RASD2: variants seen among roughly 807,000 people sequenced by gnomAD.
RASD2 encodes the protein RASD family member 2, also known as GTP-binding protein Rhes.
Under a neutral mutation model 15.8 loss-of-function variants are expected in RASD2, and 7 were observed. The observed-to-expected ratio is 0.44, with a 90% CI of 0.25 to 0.83. The LOEUF is 0.83. Among genes scored for constraint, RASD2 ranks in the 40% least tolerant of loss-of-function variants. The probability of loss-of-function intolerance (pLI) is 0.20; values close to 1 mark genes in which losing one functional copy is unlikely to be tolerated. For synonymous variants in RASD2, 155 were observed against 153.6 expected (o/e 1.01, Z -0.07); for missense variants, 274 against 382.8 (o/e 0.72, Z 2.37).
chr22:35,553,403 C>T lies in RASD2; in HGVS notation c.*1371C>T, dbSNP rs1934731107. 1 of 152,556 alleles carries T rather than the reference C, an allele frequency of 6.6e-6. No individual in the cohort carries two copies. Among genetic ancestry groups the T allele is most frequent in the Non-Finnish European group, 1.5e-5 (1 of 68,036 alleles). The allele number at this position is 152,556 out of a possible 1,614,324, so 9.5% of individuals were successfully genotyped here. On this transcript the variant is annotated 3_prime_UTR_variant, in exon 3 of 3. Coordinates refer to ENST00000216127, the MANE Select transcript of RASD2 (RefSeq NM_014310.4). ...GAACCCATAAACCAAAGGCCCTTGT[C>T]ATCAGCTCTTAACAAGTATATTTTG...
chr22:35,549,259 T>A (rs1292858366), intron 2 of RASD2, among the ~76,000 whole-genome samples: 1 of 152,144 alleles, frequency 6.6e-6, no homozygotes, highest in Non-Finnish European at 1.5e-5. Flanking sequence ...ATGGAGAGTA[T>A]TTTTGTCTGT....
At chr22:35,542,057 C>G (rs538798261) in intron 1 of RASD2, among the ~76,000 whole-genome samples, 1 of 152,290 alleles carries the variant, frequency 6.6e-6, no homozygotes, top group Non-Finnish European at 1.5e-5. Context: ...TTGGAGGGCC[C>G]GGAAGGCAGC....
At chr22:35,550,050 C>T (rs144124595) in intron 2 of RASD2, among the ~76,000 whole-genome samples, 1,925 of 152,180 alleles carry the variant, frequency 0.013, 44 homozygotes, top group African/African-American at 0.044. Flanking sequence ...CTCTTGAGGT[C>T]AGGAGTTCAA....
At chr22:35,537,118 C>T (rs1934256633), upstream of RASD2, among the ~76,000 whole-genome samples, 2 of 152,146 alleles carry the variant, frequency 1.3e-5, no homozygotes, top group African/African-American at 4.8e-5. Flanking sequence ...TCTTGGACCC[C>T]AGCTCAGCCT....
At chr22:35,536,675 T>C (rs1934252157), upstream of RASD2, among the ~76,000 whole-genome samples, 1 of 152,206 alleles carries the variant, frequency 6.6e-6, no homozygotes, top group Non-Finnish European at 1.5e-5. Flanking sequence ...ACCTCTATGG[T>C]ATCGCCAACT....
At chr22:35,546,433 C>T (rs370605527) in intron 1 of RASD2, among the ~76,000 whole-genome samples, 1 of 152,104 alleles carries the variant, frequency 6.6e-6, no homozygotes, top group African/African-American at 2.4e-5. Context: ...TGTGCTGAGC[C>T]CTTTGCAACA....
chr22:35,541,976 T>C (rs1267469023), intron 1 of RASD2, among the ~76,000 whole-genome samples: 3 of 152,212 alleles, frequency 2.0e-5, no homozygotes, highest in African/African-American at 7.2e-5. Flanking sequence ...TTGAGCTTTT[T>C]CTGGGTTGGT....
At chr22:35,546,196 G>A (rs1934498270) in intron 1 of RASD2, among the ~76,000 whole-genome samples, 1 of 152,158 alleles carries the variant, frequency 6.6e-6, no homozygotes, top group African/African-American at 2.4e-5. Context: ...GTGGCTGCAG[G>A]AGCAACCCCA....
intron 2 of RASD2, among the ~76,000 whole-genome samples, chr22:35,550,551 C>T (rs1004685703): frequency 3.3e-5 from 5 of 152,080 alleles, no homozygotes; most frequent in Non-Finnish European, 7.4e-5. Flanking sequence ...ACCACCCCAC[C>T]GTCTCCACAG....
In RASD2 at chr22:35,551,267, G is replaced by C. The variant is rs753025198; in HGVS notation, c.272-236G>C. Reference sequence around the variant, plus strand: ...CAAGTGGTCCACGTGTTAGCTATGCGACTGTGAACAGGGGCTTCAACCCCC... The same window carrying C: ...CAAGTGGTCCACGTGTTAGCTATGCCACTGTGAACAGGGGCTTCAACCCCC... On this transcript the variant is annotated intron_variant, in intron 2 of 2. Transcript: ENST00000216127. This position sits in a 1 kb window ranked among gnomAD's most constrained non-coding sequence, Gnocchi z 4.9. Among the ~76,000 whole-genome samples, 1 of 152,204 alleles carries C rather than the reference G, an allele frequency of 6.6e-6. No homozygotes were observed. The highest frequency in any genetic ancestry group is 6.5e-5 in the Admixed American group (1 of 15,282).
In RASD2 at chr22:35,551,614, A is replaced by G. The variant is rs1482643184; in HGVS notation, c.383A>G (p.Lys128Arg). The G allele has an allele frequency of 6.2e-7, 1 of 1,614,066 alleles. No individual in the cohort carries two copies. Among genetic ancestry groups the G allele is most frequent in the Non-Finnish European group, 8.5e-7 (1 of 1,180,030 alleles). The change falls in exon 3 of 3, where the codon AAG becomes AGG. Residue 128 changes from lysine to arginine, a missense_variant. Physicochemically the swap from Lys to Arg is conservative, Grantham distance 26. Transcript: ENST00000216127. This position sits in a 1 kb window ranked among gnomAD's most constrained non-coding sequence, Gnocchi z 4.9. ...AAGTCCTGCCTGAAGAACAAGACCA[A>G]GGAGGCGGCGGAGCTGCCCATGGTC... ...EVKSCLKNKT[K>R]EAAELPMVIC... is the part of the protein sequence containing the mutation.
the RASD2 span, among the ~76,000 whole-genome samples, chr22:35,534,987 A>C: frequency 6.6e-6 from 1 of 152,256 alleles, no homozygotes; most frequent in South Asian, 2.1e-4. Context: ...CATTCATCCA[A>C]CTTTTACTGC....
chr22:35,540,486 T>C (rs958241587), upstream of RASD2, among the ~76,000 whole-genome samples: 1 of 149,734 alleles, frequency 6.7e-6, no homozygotes, highest in Non-Finnish European at 1.5e-5. Flanking sequence ...GAGCGGGCTC[T>C]GGGGGGCAGA....
In RASD2 at chr22:35,552,362, C is replaced by T. The variant is rs1601819476; in HGVS notation, c.*330C>T. 1 of 344,606 alleles carries T rather than the reference C, an allele frequency of 2.9e-6. No individual in the cohort carries two copies. The highest frequency in any genetic ancestry group is 5.3e-5 in the South Asian group (1 of 19,046). The allele number at this position is 344,606 out of a possible 1,614,324, so 21.3% of individuals were successfully genotyped here. On this transcript the variant is annotated 3_prime_UTR_variant, in exon 3 of 3. Coordinates refer to ENST00000216127, the MANE Select transcript of RASD2 (RefSeq NM_014310.4). ...GATGCCAGAGGGGTGAGGATTGCTGCGTCATATGGAGCCTCCTGGGACAAG... is the reference window on the plus strand; with the variant it reads ...GATGCCAGAGGGGTGAGGATTGCTGTGTCATATGGAGCCTCCTGGGACAAG...
At chr22:35,540,627 GGATCAGC>G (rs1487360818), upstream of RASD2, among the ~76,000 whole-genome samples, 1 of 152,128 alleles carries the variant, frequency 6.6e-6, no homozygotes, top group Non-Finnish European at 1.5e-5. Context: ...CCTTTCGGAG[GGATCAGC>G]GACCTCTTCG....
chr22:35,546,040 A>C (rs1236158608), intron 1 of RASD2, among the ~76,000 whole-genome samples: 1 of 152,144 alleles, frequency 6.6e-6, no homozygotes, highest in Non-Finnish European at 1.5e-5. Flanking sequence ...GTCGTTCCCC[A>C]TTCCACATCC....
At chr22:35,533,023 G>T in the RASD2 span, among the ~76,000 whole-genome samples, 1 of 152,198 alleles carries the variant, frequency 6.6e-6, no homozygotes, top group Non-Finnish European at 1.5e-5. Context: ...ACCTGTCTGA[G>T]CCTCAGTCTC....
chr22:35,538,252 G>A (rs537944194), upstream of RASD2, among the ~76,000 whole-genome samples: 6 of 152,244 alleles, frequency 3.9e-5, no homozygotes, highest in Non-Finnish European at 7.4e-5. Context: ...GATTATAGGC[G>A]TGAGCCACCA....
chr22:35,544,389 C>T (rs1934440369), intron 1 of RASD2, among the ~76,000 whole-genome samples: 1 of 152,234 alleles, frequency 6.6e-6, no homozygotes, highest in African/African-American at 2.4e-5. Flanking sequence ...CTGCCTCCCA[C>T]ACGTATGCCC....
Sources: allele counts gnomAD v4.1 joint callset (sites outside exome capture counted in the v4.1 genomes callset), GRCh38; gene constraint gnomAD v4.1.1; non-coding constraint Gnocchi (gnomAD v3.1); transcripts MANE v1.5; gene names NCBI Gene and HGNC (gene_info 2026-07-23, HGNC 2026-07-21).